Variants in SPECC1 observed in about 807,000 individuals in gnomAD.
SPECC1 encodes sperm antigen with calponin homology and coiled-coil domains 1.
A neutral mutation model predicts 104.1 loss-of-function variants in SPECC1; 62 were observed. That is an observed-to-expected ratio of 0.60 (90% CI 0.49 to 0.74). SPECC1 has a LOEUF of 0.74. Ranked by LOEUF, SPECC1 falls within the 30% of genes least tolerant of loss-of-function variation. The pLI, the probability that SPECC1 is intolerant of heterozygous loss-of-function variation, is 0.00. For missense variants in SPECC1, 1,306 were observed against 1,310.5 expected, an observed-to-expected ratio of 1.00 and a Z score of 0.05; for synonymous variants, 513 against 501.6, an observed-to-expected ratio of 1.02 and a Z score of -0.30.
At chr17:20,122,855 AC>A (rs1285412332) in intron 3 of SPECC1, among the ~76,000 whole-genome samples, 1 of 152,240 alleles carries the variant, frequency 6.6e-6, no homozygotes, top group East Asian at 1.9e-4. Context: ...GTCTGGATAT[AC>A]CGTATCTTCT....
intron 1 of SPECC1, among the ~76,000 whole-genome samples, chr17:20,070,639 TTTC>T: frequency 6.6e-6 from 1 of 152,342 alleles, no homozygotes. Context: ...CTTTAAATTA[TTTC>T]TTTTCTTGCC....
chr17:20,141,690 C>T (rs1467268772), intron 3 of SPECC1, among the ~76,000 whole-genome samples: 2 of 152,206 alleles, frequency 1.3e-5, no homozygotes, highest in African/African-American at 4.8e-5. Flanking sequence ...ATACCCCATG[C>T]TGCTGTTTCC....
intron 1 of SPECC1, among the ~76,000 whole-genome samples, chr17:20,065,707 C>T (rs1287384390): frequency 1.3e-5 from 2 of 152,210 alleles, no homozygotes; most frequent in Non-Finnish European, 2.9e-5. Flanking sequence ...ACCTAGCATG[C>T]CTGTCTCTTC....
chr17:20,188,976 G>C (rs2035471140), intron 3 of SPECC1, among the ~76,000 whole-genome samples: 1 of 152,122 alleles, frequency 6.6e-6, no homozygotes, highest in Non-Finnish European at 1.5e-5. Flanking sequence ...GTAGAACTTG[G>C]AAGTTTCTCA....
Position 20,315,437 on chromosome 17 carries a change from A to G in SPECC1, c.*1372A>G, listed in dbSNP as rs1437454990. 8 of 232,456 alleles carry G rather than the reference A, an allele frequency of 3.4e-5. No homozygotes were observed. Among genetic ancestry groups the G allele is most frequent in the Non-Finnish European group, 6.8e-5 (8 of 117,752 alleles). 14.4% of individuals were successfully genotyped at this position (232,456 alleles called of 1,614,324 possible). Reference sequence around the variant, plus strand: ...GGCTCTGCCGTGTTCTTCTGGGCGGATCTGTGTGCACTACACAGCGAGTGA... The same window carrying G: ...GGCTCTGCCGTGTTCTTCTGGGCGGGTCTGTGTGCACTACACAGCGAGTGA... On this transcript the variant is annotated 3_prime_UTR_variant, in exon 15 of 15. Coordinates refer to ENST00000395527, the MANE Select transcript of SPECC1 (RefSeq NM_001243439.2).
intron 3 of SPECC1, among the ~76,000 whole-genome samples, chr17:20,188,256 C>CTTTTTTTTTTT (rs67659304): frequency 1.4e-5 from 2 of 145,918 alleles, no homozygotes; most frequent in African/African-American, 2.5e-5. Flanking sequence ...AAAAGACATC[C>CTTTTTTTTTTT]TTTTTTTTTT....
chr17:20,020,735 T>G (rs2044343294), intron 1 of SPECC1, among the ~76,000 whole-genome samples: 1 of 152,256 alleles, frequency 6.6e-6, no homozygotes, highest in Non-Finnish European at 1.5e-5. Context: ...CCTCTGTTGT[T>G]TTGCTTGTTA....
intron 2 of SPECC1, among the ~76,000 whole-genome samples, chr17:20,104,767 GAAAA>G (rs1161754515): frequency 3.7e-5 from 4 of 107,590 alleles, no homozygotes; most frequent in Non-Finnish European, 5.9e-5. Context: ...AAAAAAAAAA[GAAAA>G]AAAAATTCTC....
chr17:20,293,036 G>T (rs1279400731), intron 12 of SPECC1, among the ~76,000 whole-genome samples: 3 of 152,166 alleles, frequency 2.0e-5, no homozygotes, highest in African/African-American at 7.2e-5. Context: ...GATAGGGACA[G>T]ATTCTTTGTA....
chr17:20,234,263 C>G (rs1598050637), intron 7 of SPECC1, among the ~76,000 whole-genome samples: 1 of 152,092 alleles, frequency 6.6e-6, no homozygotes, highest in Admixed American at 6.6e-5. Context: ...AAAAACATTT[C>G]AAAATTTTAG....
chr17:20,152,483 G>GC (rs574811863), intron 3 of SPECC1, among the ~76,000 whole-genome samples: 217 of 152,236 alleles, frequency 1.4e-3, no homozygotes, highest in South Asian at 0.012. Flanking sequence ...AGACTGGATG[G>GC]CTTAAACAGC....
rs187967383 is a variant in SPECC1 at position 20,255,219 on chromosome 17, G to A, written c.2680+1633G>A. Among the ~76,000 whole-genome samples, 1,373 of 152,300 alleles carry A rather than the reference G, an allele frequency of 9.0e-3. 16 individuals carry two copies. Among genetic ancestry groups the A allele is most frequent in the African/African-American group, 0.031 (1,286 of 41,574 alleles). ...CAAAGGCCAGTGTAAAGTCAAGAGTGTAAGAACAAACAGAGTTCAGTGGAG... is the reference window on the plus strand; with the variant it reads ...CAAAGGCCAGTGTAAAGTCAAGAGTATAAGAACAAACAGAGTTCAGTGGAG... On this transcript the variant is annotated intron_variant, in intron 10 of 14. Transcript: ENST00000395527.
chr17:20,296,931 C>G, intron 12 of SPECC1, 30 bp from the exon 13 acceptor site: 1 of 1,601,188 alleles, frequency 6.2e-7, no homozygotes, highest in Non-Finnish European at 8.6e-7. Flanking sequence ...TGCAATAGTT[C>G]TTGTTTATTA....
chr17:20,077,944 G>A (rs1419920828), intron 1 of SPECC1, among the ~76,000 whole-genome samples: 1 of 151,896 alleles, frequency 6.6e-6, no homozygotes, highest in African/African-American at 2.4e-5. Context: ...ATTCCATAGG[G>A]TTGTTGGAGT....
At chr17:20,234,581 C>T (rs1317653333) in intron 7 of SPECC1, among the ~76,000 whole-genome samples, 1 of 152,192 alleles carries the variant, frequency 6.6e-6, no homozygotes. Context: ...CTCAGTTTGA[C>T]TTTGACAGTC....
chr17:20,185,790 A>G (rs1382238448), intron 3 of SPECC1, among the ~76,000 whole-genome samples: 1 of 152,168 alleles, frequency 6.6e-6, no homozygotes, highest in East Asian at 1.9e-4. Flanking sequence ...GCATTTGTCT[A>G]GTGATAATCA....
chr17:20,205,780 C>A lies in SPECC1; in HGVS notation c.1731C>A (p.Ser577Arg). The A allele has an allele frequency of 6.2e-7, 1 of 1,614,162 alleles. No homozygotes were observed. Among genetic ancestry groups the A allele is most frequent in the Non-Finnish European group, 8.5e-7 (1 of 1,180,026 alleles). ...GTGCTGTGGAGCAGACGGCAGAGAG[C>A]TGCGAAGTTCAAGAAATGTTGAAAG... ...EASAVEQTAE[S>R]CEVQEMLKVA... Residue 577 changes from serine (S) to arginine (R), a missense_variant, in exon 4 of 15, where the codon AGC becomes AGA. By Grantham distance (110) the Ser-to-Arg change is moderately radical. Coordinates refer to ENST00000395527, the MANE Select transcript of SPECC1 (RefSeq NM_001243439.2).
chr17:20,087,253 A>G (rs1032643485), intron 1 of SPECC1, among the ~76,000 whole-genome samples: 34 of 152,200 alleles, frequency 2.2e-4, no homozygotes, highest in Admixed American at 1.8e-3. Context: ...TTTAAAAGCC[A>G]TCCCTCAGGA....
intron 7 of SPECC1, chr17:20,239,010 A>T (rs2039070217): frequency 2.2e-5 from 23 of 1,035,948 alleles, no homozygotes; most frequent in Non-Finnish European, 2.4e-5. Flanking sequence ...AGTAACTAGA[A>T]TTTGAGGTAG....
Sources: gnomAD v4.1 joint callset for allele counts (sites outside exome capture counted in the v4.1 genomes callset) on GRCh38, gnomAD v4.1.1 for gene constraint, MANE v1.5 for transcripts, NCBI Gene and HGNC (gene_info 2026-07-23, HGNC 2026-07-21) for gene names.